The following IQGAP1 variants were observed in gnomAD, a reference collection of about 807,000 sequenced individuals.
The protein encoded by IQGAP1 is IQ motif containing GTPase activating protein 1.
A neutral mutation model predicts 215.6 loss-of-function variants in IQGAP1; 66 were observed. The ratio of observed to expected loss-of-function variants is 0.31; its 90% CI spans 0.25 to 0.38. The LOEUF (loss-of-function observed/expected upper bound fraction) is 0.38. IQGAP1 is among the 10% of genes least tolerant of loss of function. The pLI, the probability that IQGAP1 is intolerant of heterozygous loss-of-function variation, is 1.00. For synonymous variants in IQGAP1, 772 were observed against 728.7 expected (o/e 1.06, Z -0.96); for missense variants, 1,712 against 1,997.1 (o/e 0.86, Z 2.72).
At chr15:90,475,755 A>G (rs1965970968) in intron 23 of IQGAP1, 1 of 92,828 alleles carries the variant, frequency 1.1e-5, no homozygotes, top group Non-Finnish European at 2.0e-5. Flanking sequence ...TCTATCTCCA[A>G]AAAAAAAAAA....
At chr15:90,391,500 T>C (rs1166670867) in intron 2 of IQGAP1, 3 of 152,280 alleles carry the variant, frequency 2.0e-5, no homozygotes, top group East Asian at 1.9e-4. Context: ...TTTGAAGTTA[T>C]TGGCTTTAAT....
chr15:90,418,581 A>G (rs2601205), intron 2 of IQGAP1, among the ~76,000 whole-genome samples: 87,364 of 151,922 alleles, frequency 0.58, 26,978 homozygotes, highest in East Asian at 0.83. Context: ...AGAGCGAGAC[A>G]CTGTCTCAAA....
intron 2 of IQGAP1, among the ~76,000 whole-genome samples, chr15:90,395,819 A>G (rs960423501): frequency 6.6e-6 from 1 of 152,242 alleles, no homozygotes; most frequent in Admixed American, 6.5e-5. Context: ...GTGAGAAGAA[A>G]GTACGATTAG....
chr15:90,388,429 G>T, intron 1 of IQGAP1, 33 bp downstream of exon 1: 3 of 1,551,470 alleles, frequency 1.9e-6, no homozygotes, highest in Non-Finnish European at 1.7e-6. Context: ...CGGGGGCTTC[G>T]GGCTGGGCTA....
Position 90,452,843 on chromosome 15 carries a change from C to T in IQGAP1, c.1231C>T (p.Leu411=), listed in dbSNP as rs1270379684. ...KGVAEKTVLE[L]MNPEAQLPQV... is the part of the protein sequence containing the mutation. ...TGTTGCTGAGAAGACTGTTTTGGAA[C>T]TGATGAATCCCGAAGCCCAGCTGCC... The change falls in exon 12 of 38, where the codon CTG becomes TTG. Residue 411 remains leucine (L), a synonymous_variant. Coordinates refer to ENST00000268182, the MANE Select transcript of IQGAP1 (RefSeq NM_003870.4). 6.2e-7 allele frequency: 1 copy of T among 1,614,148 alleles called. No individual in the cohort carries two copies. Among genetic ancestry groups the T allele is most frequent in the East Asian group, 2.2e-5 (1 of 44,888 alleles).
chr15:90,436,230 G>T (rs957018337), intron 5 of IQGAP1, among the ~76,000 whole-genome samples: 1 of 152,064 alleles, frequency 6.6e-6, no homozygotes, highest in South Asian at 2.1e-4. Flanking sequence ...AAGCTCATTT[G>T]TCTCCTTAGT....
At chr15:90,403,584 G>T (rs938372345) in intron 2 of IQGAP1, among the ~76,000 whole-genome samples, 2 of 152,156 alleles carry the variant, frequency 1.3e-5, no homozygotes, top group Non-Finnish European at 2.9e-5. Flanking sequence ...TCATGATTGT[G>T]TCTCTTTCCG....
chr15:90,495,975 C>T (rs1686087814), intron 36 of IQGAP1, among the ~76,000 whole-genome samples: 1 of 150,168 alleles, frequency 6.7e-6, no homozygotes, highest in African/African-American at 2.4e-5. Flanking sequence ...CATTATCTTC[C>T]ACTACTGTTC....
intron 2 of IQGAP1, among the ~76,000 whole-genome samples, chr15:90,403,964 C>T (rs886385072): frequency 3.9e-5 from 6 of 152,138 alleles, no homozygotes; most frequent in Admixed American, 6.5e-5. Context: ...CATGAGCCAC[C>T]GTTTTGCTTT....
rs1966336348 is a variant in IQGAP1, at chr15:90,501,194, AC to A, written c.*1087del. ...CTGCCTTTAATTGTCTAAAACAAAA[AC>A]AAAACCAGCCAACCTATGTTACACG... is the stretch of plus-strand genomic sequence containing the variant. On this transcript the variant is annotated 3_prime_UTR_variant, in exon 38 of 38. Transcript: ENST00000268182. The A allele has an allele frequency of 1.3e-5, 2 of 152,524 alleles. No homozygotes were observed. The allele number at this position is 152,524 out of a possible 1,614,324, so 9.4% of individuals were successfully genotyped here.
intron 36 of IQGAP1, among the ~76,000 whole-genome samples, chr15:90,495,388 A>G (rs7163560): frequency 6.6e-6 from 1 of 152,008 alleles, no homozygotes; most frequent in Non-Finnish European, 1.5e-5. Flanking sequence ...GGGGGGAAAA[A>G]AAACAACTTT....
chr15:90,437,412 G>A (rs1336100309), intron 5 of IQGAP1, among the ~76,000 whole-genome samples: 1 of 152,154 alleles, frequency 6.6e-6, no homozygotes, highest in Non-Finnish European at 1.5e-5. Flanking sequence ...AGGAATAAAT[G>A]AGAAAGAAAT....
chr15:90,420,634 C>A (rs894497503), intron 2 of IQGAP1, among the ~76,000 whole-genome samples: 2 of 152,170 alleles, frequency 1.3e-5, no homozygotes, highest in Non-Finnish European at 2.9e-5. Context: ...ATGAGCCTTC[C>A]ATCCTTGAGA....
chr15:90,456,881 C>A (rs187494566), intron 15 of IQGAP1, among the ~76,000 whole-genome samples: 1 of 147,288 alleles, frequency 6.8e-6, no homozygotes, highest in Non-Finnish European at 1.5e-5. Flanking sequence ...GAGTAAGACT[C>A]CGTCTCAAAA....
intron 18 of IQGAP1, among the ~76,000 whole-genome samples, chr15:90,470,797 C>G (rs115918119): frequency 0.014 from 2,146 of 152,274 alleles, 42 homozygotes; most frequent in African/African-American, 0.049. Context: ...GAGCACTCAT[C>G]ATATTTGACT....
At chr15:90,482,906 G>C (rs977363619) in intron 28 of IQGAP1, among the ~76,000 whole-genome samples, 2 of 152,126 alleles carry the variant, frequency 1.3e-5, no homozygotes, top group Admixed American at 1.3e-4. Flanking sequence ...GGGAGGTGGG[G>C]TTACTCTATG....
At chr15:90,478,652 A>G (rs758284019) in intron 26 of IQGAP1, among the ~76,000 whole-genome samples, 1 of 152,244 alleles carries the variant, frequency 6.6e-6, no homozygotes, top group African/African-American at 2.4e-5. Context: ...CCCTAAAGCT[A>G]AGATGAACCC....
intron 31 of IQGAP1, chr15:90,486,363 G>A (rs1330007048): frequency 1.4e-5 from 5 of 351,662 alleles, no homozygotes; most frequent in Admixed American, 4.5e-5. Flanking sequence ...CATTTTAAAC[G>A]CAGATACATA....
rs1278709558 is a variant in IQGAP1, at chr15:90,456,023, A to ATGCG, written c.1613-127_1613-126insCGTG. 77 of 687,512 alleles carry ATGCG rather than the reference A, an allele frequency of 1.1e-4. 1 individual carries two copies. In the Admixed American group the frequency reaches 1.7e-3, roughly 15 times the overall value. The allele number at this position is 687,512 out of a possible 1,614,324, so 42.6% of individuals were successfully genotyped here. On this transcript the variant is annotated intron_variant, in intron 14 of 37. Transcript: ENST00000268182. ...AAATGAAAACAGTGCTGCTTAACGGATGGTAAGTTGCAGTTTGAATCATGG... is the reference window on the plus strand; with the variant it reads ...AAATGAAAACAGTGCTGCTTAACGGATGCGTGGTAAGTTGCAGTTTGAATCATGG...
Sources: allele counts gnomAD v4.1 joint callset (sites outside exome capture counted in the v4.1 genomes callset), GRCh38; gene constraint gnomAD v4.1.1; transcripts MANE v1.5; gene names NCBI Gene and HGNC (gene_info 2026-07-23, HGNC 2026-07-21).